TUBGCP3: variants seen among roughly 807,000 people sequenced by gnomAD.
TUBGCP3 encodes gamma-tubulin complex component 3.
In TUBGCP3, 50 loss-of-function variants were observed where a neutral mutation model predicts 123.1. The observed-to-expected ratio is 0.41, with a 90% CI of 0.32 to 0.51. The LOEUF (loss-of-function observed/expected upper bound fraction) is 0.51, where lower values mean the gene tolerates loss of function less well. TUBGCP3 is among the 20% of genes least tolerant of loss of function. The probability of loss-of-function intolerance (pLI) is 0.36; values close to 1 mark genes in which losing one functional copy is unlikely to be tolerated. For missense variants in TUBGCP3, 882 were observed against 1,127.0 expected (o/e 0.78, Z 3.11); for synonymous variants, 405 against 413.9 (o/e 0.98, Z 0.26).
chr13:112,582,968 A>G (rs1835318631), intron 1 of TUBGCP3, among the ~76,000 whole-genome samples: 1 of 152,226 alleles, frequency 6.6e-6, no homozygotes, highest in Non-Finnish European at 1.5e-5. Context: ...GTCTCTATCG[A>G]GCACACAGAG....
At position 112,519,429 on chromosome 13, in the gene TUBGCP3, T is replaced by A. The variant is rs570633602; in HGVS notation, c.1882-386A>T. Among the ~76,000 whole-genome samples the A allele has an allele frequency of 3.0e-3, 456 of 152,342 alleles. 1 individual carries two copies. Among genetic ancestry groups the A allele is most frequent in the Non-Finnish European group, 5.4e-3 (368 of 68,030 alleles). ...TCTTCCATCACAACTAAGTAAATAG[T>A]GGGTTTATGTTCATAATAACCACAC... On this transcript the variant is annotated intron_variant, in intron 15 of 21. Coordinates refer to ENST00000261965, the MANE Select transcript of TUBGCP3 (RefSeq NM_006322.6). This position sits in a 1 kb window ranked among gnomAD's most constrained non-coding sequence, Gnocchi z 6.2.
At chr13:112,598,081 G>A in the TUBGCP3 span, among the ~76,000 whole-genome samples, 8 of 152,116 alleles carry the variant, frequency 5.3e-5, no homozygotes, top group Non-Finnish European at 7.4e-5. Flanking sequence ...CGTCAAAGGC[G>A]CACCAATTAA....
rs1555340955 is a variant in TUBGCP3 at position 112,537,148 on chromosome 13, T to TAAA, written c.1335+8548_1335+8550dup. Among the ~76,000 whole-genome samples, 153 of 109,066 alleles carry TAAA rather than the reference T, an allele frequency of 1.4e-3. 1 individual carries two copies. Among genetic ancestry groups the TAAA allele is most frequent in the East Asian group, 3.6e-3 (14 of 3,860 alleles). The allele number at this position is 109,066 out of a possible 152,430, so 71.6% of individuals were successfully genotyped here. On this transcript the variant is annotated intron_variant, in intron 11 of 21. Coordinates refer to ENST00000261965, the MANE Select transcript of TUBGCP3 (RefSeq NM_006322.6). ...TTTCCTTTTTTTTTTTTTTTTTTTTTAAAAAAAAAAAAAACCTTGACTAAT... is the reference window on the plus strand; with the variant it reads ...TTTCCTTTTTTTTTTTTTTTTTTTTTAAAAAAAAAAAAAAAAACCTTGACTAAT...
At chr13:112,487,343 C>T (rs1050164102) in intron 21 of TUBGCP3, among the ~76,000 whole-genome samples, 1 of 152,182 alleles carries the variant, frequency 6.6e-6, no homozygotes, top group Non-Finnish European at 1.5e-5. Flanking sequence ...AGACGGATTT[C>T]TGCTGTTACA....
chr13:112,604,275 A>G, the TUBGCP3 span: 1 of 152,188 alleles, frequency 6.6e-6, no homozygotes, highest in Admixed American at 6.5e-5. Context: ...TTGAGAAACT[A>G]TCTTCAAATA....
At chr13:112,497,074 G>C (rs528170359) in intron 20 of TUBGCP3, among the ~76,000 whole-genome samples, 1 of 152,244 alleles carries the variant, frequency 6.6e-6, no homozygotes, top group South Asian at 2.1e-4. Context: ...GGGGCACGTG[G>C]GCAGTTTTAC....
Position 112,542,652 on chromosome 13 carries a change from T to C in TUBGCP3, c.1335+3047A>G, listed in dbSNP as rs11839921. On this transcript the variant is annotated intron_variant, in intron 11 of 21. Coordinates refer to ENST00000261965, the MANE Select transcript of TUBGCP3 (RefSeq NM_006322.6). ...ATGTATTTTAACATTGAACATTATA[T>C]AAAATTTAAACTAAGAATTGAGCTA... is the stretch of plus-strand genomic sequence containing the variant. Among the ~76,000 whole-genome samples the C allele has an allele frequency of 3.6e-3, 548 of 152,274 alleles. 1 individual carries two copies. Among genetic ancestry groups the C allele is most frequent in the African/African-American group, 0.013 (533 of 41,538 alleles).
At chr13:112,533,591 C>A (rs1020440865) in intron 11 of TUBGCP3, among the ~76,000 whole-genome samples, 2 of 151,812 alleles carry the variant, frequency 1.3e-5, no homozygotes, top group Admixed American at 6.6e-5. Context: ...ACTAACAAAC[C>A]ACAGCACCCG....
At chr13:112,599,751 C>A in the TUBGCP3 span, among the ~76,000 whole-genome samples, 1 of 152,200 alleles carries the variant, frequency 6.6e-6, no homozygotes, top group Non-Finnish European at 1.5e-5. Flanking sequence ...AAACTCCTGA[C>A]CTCGTGATCC....
chr13:112,504,214 G>A (rs896552081), intron 18 of TUBGCP3, 51 bp from the exon 19 acceptor site: 8 of 1,611,172 alleles, frequency 5.0e-6, no homozygotes, highest in Non-Finnish European at 6.8e-6. Flanking sequence ...CCTTCCTAGT[G>A]TAGCATCACT....
At chr13:112,560,133 A>AAG (rs1376433518) in intron 3 of TUBGCP3, among the ~76,000 whole-genome samples, 1 of 98,926 alleles carries the variant, frequency 1.0e-5, no homozygotes. Flanking sequence ...ACTCCGTCTC[A>AAG]AAAAAAAAAA....
intron 3 of TUBGCP3, among the ~76,000 whole-genome samples, chr13:112,560,826 C>A (rs1036736082): frequency 1.3e-5 from 2 of 152,186 alleles, no homozygotes; most frequent in Non-Finnish European, 1.5e-5. Flanking sequence ...AAGAAACAGA[C>A]CCAGCCCTGA....
chr13:112,526,115 T>C (rs1213395458), intron 13 of TUBGCP3, among the ~76,000 whole-genome samples: 1 of 151,990 alleles, frequency 6.6e-6, no homozygotes, highest in Non-Finnish European at 1.5e-5. Flanking sequence ...ACAATTATCA[T>C]TGTCATTACT....
At chr13:112,496,205 C>A (rs1437261655) in intron 20 of TUBGCP3, among the ~76,000 whole-genome samples, 1 of 152,120 alleles carries the variant, frequency 6.6e-6, no homozygotes, top group Non-Finnish European at 1.5e-5. Flanking sequence ...GTCCTTTAAT[C>A]CTACATTTGA....
Position 112,519,889 on chromosome 13 carries a change from C to G in TUBGCP3, c.1878G>C (p.Leu626=). The G allele has an allele frequency of 6.2e-7, 1 of 1,613,318 alleles. No individual in the cohort carries two copies. Among genetic ancestry groups the G allele is most frequent in the Non-Finnish European group, 8.5e-7 (1 of 1,179,462 alleles). ...EILRRLDVRL[L]EVSPGDTGWD... The stretch of plus-strand genomic sequence containing the variant: ...CCAACACGCAGAGCCGCAGTACCTC[C>G]AGCAGCCGCACGTCCAGCCTTCGCA... Residue 626 remains leucine, a synonymous_variant, in exon 15 of 22, where the codon CTG becomes CTC. Transcript: ENST00000261965. This position sits in a 1 kb window ranked among gnomAD's most constrained non-coding sequence, Gnocchi z 6.2.
chr13:112,492,512 T>C (rs1880162909), intron 20 of TUBGCP3, among the ~76,000 whole-genome samples: 1 of 152,264 alleles, frequency 6.6e-6, no homozygotes, highest in Non-Finnish European at 1.5e-5. Flanking sequence ...GATGTTCCTG[T>C]GGCCCCTTCC....
intron 1 of TUBGCP3, among the ~76,000 whole-genome samples, chr13:112,570,567 A>G (rs1881318378): frequency 1.3e-5 from 2 of 152,218 alleles, no homozygotes; most frequent in South Asian, 4.1e-4. Context: ...CAATCATCTG[A>G]GCCTTCAGCA....
At chr13:112,537,170 T>TAA (rs1041273034) in intron 11 of TUBGCP3, among the ~76,000 whole-genome samples, 25 of 139,200 alleles carry the variant, frequency 1.8e-4, no homozygotes, top group Middle Eastern at 3.8e-3. Flanking sequence ...AAACCTTGAC[T>TAA]AATTATCCTG....
intron 19 of TUBGCP3, among the ~76,000 whole-genome samples, chr13:112,499,606 T>A (rs940052284): frequency 2.0e-5 from 3 of 151,900 alleles, no homozygotes; most frequent in Non-Finnish European, 4.4e-5. Flanking sequence ...TTTTTAGATA[T>A]AGCAAAAGCA....
Sources: gnomAD v4.1 joint callset for allele counts (sites outside exome capture counted in the v4.1 genomes callset) on GRCh38, gnomAD v4.1.1 for gene constraint, Gnocchi (gnomAD v3.1) non-coding constraint, MANE v1.5 for transcripts, NCBI Gene and HGNC (gene_info 2026-07-23, HGNC 2026-07-21) for gene names.